Variants in NTM observed in about 807,000 individuals in gnomAD.
NTM encodes IgLON family member 2.
A neutral mutation model predicts 42.1 loss-of-function variants in NTM; 13 were observed. The observed-to-expected ratio is 0.31, with a 90% CI of 0.20 to 0.49. The LOEUF is 0.49. NTM is among the 20% of genes least tolerant of loss of function. The probability of loss-of-function intolerance (pLI) is 0.99; values close to 1 mark genes in which losing one functional copy is unlikely to be tolerated. For synonymous variants in NTM, 187 were observed against 179.2 expected (o/e 1.04, Z -0.35); for missense variants, 373 against 452.8 (o/e 0.82, Z 1.60).
chr11:131,387,089 G>A (rs766969389), intron 1 of NTM, among the ~76,000 whole-genome samples: 22 of 151,904 alleles, frequency 1.4e-4, no homozygotes, highest in Non-Finnish European at 2.6e-4. Flanking sequence ...TTTTTTCCCC[G>A]AGCCCTTATT....
intron 1 of NTM, among the ~76,000 whole-genome samples, chr11:131,869,454 G>C (rs1326722598): frequency 1.3e-5 from 2 of 152,216 alleles, no homozygotes; most frequent in African/African-American, 4.8e-5. Flanking sequence ...AAGTTCTACT[G>C]TCTCCGGCAT....
intron 1 of NTM, among the ~76,000 whole-genome samples, chr11:131,451,999 C>T (rs1352297701): frequency 6.6e-6 from 1 of 152,202 alleles, no homozygotes; most frequent in Non-Finnish European, 1.5e-5. Context: ...CTCCGATGAC[C>T]CTGGCTCCTC....
intron 3 of NTM, among the ~76,000 whole-genome samples, chr11:132,202,040 G>A (rs544354047): frequency 1.4e-3 from 219 of 152,242 alleles, no homozygotes; most frequent in Middle Eastern, 0.014. Flanking sequence ...TCTTCCTCAC[G>A]AAATTATGTA....
At chr11:131,975,615 G>A (rs1050687414) in intron 2 of NTM, among the ~76,000 whole-genome samples, 6 of 152,208 alleles carry the variant, frequency 3.9e-5, no homozygotes, top group Non-Finnish European at 7.3e-5. Flanking sequence ...TTTGTCATCA[G>A]ATGTGTTTGG....
chr11:131,751,343 C>A (rs1209287519), intron 1 of NTM, among the ~76,000 whole-genome samples: 1 of 152,040 alleles, frequency 6.6e-6, no homozygotes, highest in Non-Finnish European at 1.5e-5. Context: ...GTAATCCCAG[C>A]ACTTCGGGAG....
intron 1 of NTM, among the ~76,000 whole-genome samples, chr11:131,838,743 A>T (rs1315824571): frequency 1.3e-5 from 2 of 152,160 alleles, no homozygotes; most frequent in African/African-American, 2.4e-5. Context: ...TTAGGTTTTG[A>T]AAAGAATAGA....
At chr11:132,324,774 A>G (rs989220607) in intron 7 of NTM, among the ~76,000 whole-genome samples, 1 of 148,382 alleles carries the variant, frequency 6.7e-6, no homozygotes, top group Admixed American at 6.7e-5. Context: ...AAACTATACT[A>G]CAAGGCTACA....
chr11:131,516,441 C>T (rs977486239), intron 1 of NTM, among the ~76,000 whole-genome samples: 6 of 152,134 alleles, frequency 3.9e-5, no homozygotes, highest in South Asian at 2.1e-4. Flanking sequence ...AGCAGTGGCG[C>T]GATCTCGGCT....
chr11:131,666,483 T>A (rs1052329671), intron 1 of NTM, among the ~76,000 whole-genome samples: 3 of 152,168 alleles, frequency 2.0e-5, no homozygotes, highest in Non-Finnish European at 4.4e-5. Flanking sequence ...GGAGACCACC[T>A]GACTGCCCCC....
intron 2 of NTM, among the ~76,000 whole-genome samples, chr11:131,930,811 T>C (rs1414814658): frequency 6.6e-6 from 1 of 152,230 alleles, no homozygotes; most frequent in Non-Finnish European, 1.5e-5. Flanking sequence ...CCTTCAAATG[T>C]TTTTCATTTG....
intron 3 of NTM, among the ~76,000 whole-genome samples, chr11:132,155,724 G>C (rs2073039968): frequency 6.6e-6 from 1 of 152,210 alleles, no homozygotes; most frequent in Non-Finnish European, 1.5e-5. Flanking sequence ...GGGCTAGGCT[G>C]GCCAAGCCAT....
At chr11:131,939,759 G>T (rs896522460) in intron 2 of NTM, among the ~76,000 whole-genome samples, 23 of 152,164 alleles carry the variant, frequency 1.5e-4, no homozygotes, top group African/African-American at 5.6e-4. Context: ...GAGAGCATGA[G>T]GAATTTACCA....
chr11:131,531,731 C>T (rs1031772053), intron 1 of NTM, among the ~76,000 whole-genome samples: 3 of 151,916 alleles, frequency 2.0e-5, no homozygotes, highest in East Asian at 1.9e-4. Flanking sequence ...AGTAAAACAC[C>T]GAGGTAGAGG....
At chr11:131,565,395 G>A (rs897109145) in intron 1 of NTM, among the ~76,000 whole-genome samples, 6 of 152,200 alleles carry the variant, frequency 3.9e-5, no homozygotes, top group African/African-American at 9.7e-5. Flanking sequence ...CTCCTCGTGA[G>A]GTTTCCAGGT....
chr11:131,990,628 C>T (rs918896318), intron 2 of NTM, among the ~76,000 whole-genome samples: 52 of 152,084 alleles, frequency 3.4e-4, no homozygotes, highest in African/African-American at 1.2e-3. Context: ...ACTTTCAAAT[C>T]AGGAATTAGT....
chr11:131,901,480 C>A (rs1036006979), intron 1 of NTM, among the ~76,000 whole-genome samples: 2 of 152,148 alleles, frequency 1.3e-5, no homozygotes, highest in Non-Finnish European at 2.9e-5. Flanking sequence ...ATGTCTTCTG[C>A]AAACTTGGGA....
At chr11:132,176,548 A>G (rs1365296646) in intron 3 of NTM, among the ~76,000 whole-genome samples, 2 of 151,602 alleles carry the variant, frequency 1.3e-5, no homozygotes, top group Admixed American at 6.6e-5. Flanking sequence ...GTGTTTAACA[A>G]AAAATAAATA....
rs531524577 is a variant in NTM, at chr11:131,591,513, C to T, written c.82+220625C>T. Among the ~76,000 whole-genome samples, 10 of 152,314 alleles carry T rather than the reference C, an allele frequency of 6.6e-5. No homozygotes were observed. In the South Asian group the frequency reaches 8.3e-4, roughly 13 times the overall value. The stretch of plus-strand genomic sequence containing the variant: ...ATTCGTCCCATCTGACAACCCTGCA[C>T]GGAGATGCATGGATTCCCTGCCTAA... On this transcript the variant is annotated intron_variant, in intron 1 of 8. Coordinates refer to ENST00000683400, the MANE Select transcript of NTM (RefSeq NM_001352005.2).
intron 4 of NTM, among the ~76,000 whole-genome samples, chr11:132,217,023 A>G (rs1236267925): frequency 6.6e-6 from 1 of 152,160 alleles, no homozygotes; most frequent in South Asian, 2.1e-4. Flanking sequence ...CTCACAGGTG[A>G]CTTGGACAGT....
Sources: allele counts gnomAD v4.1 joint callset (sites outside exome capture counted in the v4.1 genomes callset), GRCh38; gene constraint gnomAD v4.1.1; transcripts MANE v1.5; gene names NCBI Gene and HGNC (gene_info 2026-07-23, HGNC 2026-07-21).